Variants in ARSG observed in about 807,000 individuals in gnomAD.
ARSG encodes the protein arylsulfatase G, also known as ASG.
ARSG carries 37 observed loss-of-function variants against 50.5 expected under a neutral mutation model. That is an observed-to-expected ratio of 0.73 (90% confidence interval 0.56 to 0.96). The LOEUF is 0.96. ARSG is among the 50% of genes least tolerant of loss of function. The probability of loss-of-function intolerance (pLI) is 0.00; values close to 1 mark genes in which losing one functional copy is unlikely to be tolerated. For missense variants in ARSG, 629 were observed against 675.3 expected (o/e 0.93, Z 0.76); for synonymous variants, 225 against 254.6 (o/e 0.88, Z 1.11).
chr17:68,270,583 C>G (rs565888108), intron 1 of ARSG, among the ~76,000 whole-genome samples: 42 of 151,520 alleles, frequency 2.8e-4, no homozygotes, highest in African/African-American at 9.9e-4. Flanking sequence ...CAGGGTCAAT[C>G]TGGACTACAG....
chr17:68,300,437 C>G (rs546175439), intron 1 of ARSG, among the ~76,000 whole-genome samples: 2 of 152,304 alleles, frequency 1.3e-5, no homozygotes, highest in East Asian at 3.9e-4. Context: ...GTAAATACAG[C>G]TTTGTAAAAG....
chr17:68,396,340 G>C (rs1226912594), intron 10 of ARSG, among the ~76,000 whole-genome samples: 2 of 152,080 alleles, frequency 1.3e-5, no homozygotes, highest in African/African-American at 4.8e-5. Context: ...TGACCAAGCA[G>C]ACCTTGGCAA....
chr17:68,373,933 G>A lies in ARSG; in HGVS notation c.982+3409G>A, dbSNP rs978773022. Among the ~76,000 whole-genome samples, 71 of 151,602 alleles carry A rather than the reference G, an allele frequency of 4.7e-4. 1 individual carries two copies. Among genetic ancestry groups the A allele is most frequent in the African/African-American group, 1.0e-3 (42 of 41,278 alleles). On this transcript the variant is annotated intron_variant, in intron 8 of 11. Transcript: ENST00000621439. ...AGCACTTTGGGAGGCCGAGGCGGGC[G>A]GATCATGAGGTCAGGAGATCGAGAC...
chr17:68,423,566 C>T (rs898650993), downstream of ARSG, among the ~76,000 whole-genome samples: 3 of 152,180 alleles, frequency 2.0e-5, no homozygotes, highest in Admixed American at 6.5e-5. The surrounding 1 kb of genome is among the most constrained non-coding windows in gnomAD (Gnocchi z 4.4). Context: ...GGAAGTATTT[C>T]TTGCGTATAA....
chr17:68,435,712 T>A, the ARSG span: 2 of 1,614,174 alleles, frequency 1.2e-6, no homozygotes, highest in Non-Finnish European at 1.7e-6. Context: ...CAGACTGTTT[T>A]CTGTTGGTGA....
chr17:68,419,691 G>T (rs930874035), intron 11 of ARSG, among the ~76,000 whole-genome samples: 5 of 152,124 alleles, frequency 3.3e-5, no homozygotes, highest in Non-Finnish European at 7.3e-5. Context: ...TGGCTGCAGT[G>T]GTTCCTGCTG....
the ARSG span, chr17:68,435,686 A>G: frequency 9.6e-5 from 155 of 1,614,214 alleles, 2 homozygotes; most frequent in African/African-American, 1.5e-3. Flanking sequence ...GTGTTCCCTC[A>G]TGGGCAGCAA....
intron 5 of ARSG, among the ~76,000 whole-genome samples, chr17:68,352,345 A>G (rs1415576084): frequency 5.6e-5 from 2 of 35,938 alleles, no homozygotes; most frequent in African/African-American, 1.7e-4. Context: ...ATAGTAAGTG[A>G]AAAAAAAAAA....
intron 8 of ARSG, among the ~76,000 whole-genome samples, chr17:68,376,449 C>G (rs1398571277): frequency 6.6e-6 from 1 of 151,564 alleles, no homozygotes; most frequent in Non-Finnish European, 1.5e-5. Context: ...ACTAATTTTT[C>G]TTTACCTTTT....
In ARSG at chr17:68,399,386, C is replaced by G. The variant is rs1766220673; in HGVS notation, c.1213-1974C>G. Among the ~76,000 whole-genome samples, 1 of 152,156 alleles carries G rather than the reference C, an allele frequency of 6.6e-6. No individual in the cohort carries two copies. Among genetic ancestry groups the G allele is most frequent in the South Asian group, 2.1e-4 (1 of 4,830 alleles). The stretch of plus-strand genomic sequence containing the variant: ...CTGTGGGACTTAAGGTAAAGGAATG[C>G]TCTCGTGCTTAAAAAACAAAACAAG... On this transcript the variant is annotated intron_variant, in intron 10 of 11. Transcript: ENST00000621439. This position sits in a 1 kb window ranked among gnomAD's most constrained non-coding sequence, Gnocchi z 4.6.
rs1039457422 is a variant in ARSG, at chr17:68,322,582, A to G, written c.218+14871A>G. 2.0e-5 allele frequency among the ~76,000 whole-genome samples: 3 copies of G among 152,254 alleles called. No individual in the cohort carries two copies. In the South Asian group the frequency reaches 6.2e-4, roughly 32 times the overall value. On this transcript the variant is annotated intron_variant, in intron 2 of 11. Coordinates refer to ENST00000621439, the MANE Select transcript of ARSG (RefSeq NM_001267727.2). ...CAGTGCGCCAAGATTGTGCCACTGCACTCCAGCCTGGCGATAGAGTGAGAC... is the reference window on the plus strand; with the variant it reads ...CAGTGCGCCAAGATTGTGCCACTGCGCTCCAGCCTGGCGATAGAGTGAGAC...
chr17:68,446,974 G>C, the ARSG span, among the ~76,000 whole-genome samples: 1 of 152,184 alleles, frequency 6.6e-6, no homozygotes, highest in Non-Finnish European at 1.5e-5. Flanking sequence ...CATGCTTCTG[G>C]GGTGGGCACG....
chr17:68,365,766 C>T (rs757076177), intron 6 of ARSG, among the ~76,000 whole-genome samples: 7 of 151,968 alleles, frequency 4.6e-5, no homozygotes, highest in Non-Finnish European at 1.0e-4. Context: ...GAGATGTCAC[C>T]GAATATGGCA....
chr17:68,426,246 G>T, downstream of ARSG: 8 of 894,414 alleles, frequency 8.9e-6, no homozygotes, highest in South Asian at 1.3e-5. Flanking sequence ...GGCGGGTGGG[G>T]AGCGGGGGCT....
At chr17:68,380,613 G>A (rs12452883) in intron 8 of ARSG, among the ~76,000 whole-genome samples, 10,304 of 152,080 alleles carry the variant, frequency 0.068, 500 homozygotes, top group Admixed American at 0.14. Flanking sequence ...TCATTTTATT[G>A]TAAGTCTACA....
chr17:68,406,527 T>C (rs8079678), intron 11 of ARSG, among the ~76,000 whole-genome samples: 2,832 of 152,290 alleles, frequency 0.019, 98 homozygotes, highest in African/African-American at 0.065. Context: ...CTGTTCACCG[T>C]ATCCATGCCA....
In ARSG at chr17:68,378,643, C is replaced by G. The variant is rs1056041161; in HGVS notation, c.983-6421C>G. On this transcript the variant is annotated intron_variant, in intron 8 of 11. Transcript: ENST00000621439. This position sits in a 1 kb window ranked among gnomAD's most constrained non-coding sequence, Gnocchi z 4.4. Reference sequence around the variant, plus strand: ...CAGGAGGCCTGGCTCTCCCAGCAGCCGCCTTCCCTTCTCCATGCCAGATCT... The same window carrying G: ...CAGGAGGCCTGGCTCTCCCAGCAGCGGCCTTCCCTTCTCCATGCCAGATCT... Among the ~76,000 whole-genome samples the G allele has an allele frequency of 6.6e-6, 1 of 152,184 alleles. No individual in the cohort carries two copies. Among genetic ancestry groups the G allele is most frequent in the Non-Finnish European group, 1.5e-5 (1 of 68,026 alleles).
intron 2 of ARSG, among the ~76,000 whole-genome samples, chr17:68,316,045 T>C (rs758151): frequency 0.81 from 122,908 of 152,132 alleles, 50,105 homozygotes; most frequent in Middle Eastern, 0.88. Flanking sequence ...AATCTTATCC[T>C]GCCTACTCCA....
At chr17:68,450,626 T>C in the ARSG span, 5 of 1,429,672 alleles carry the variant, frequency 3.5e-6, no homozygotes, top group Admixed American at 6.6e-5. Flanking sequence ...CTCATTAGAA[T>C]TGGAAGCTTG....
Sources: gnomAD v4.1 joint callset for allele counts (sites outside exome capture counted in the v4.1 genomes callset) on GRCh38, gnomAD v4.1.1 for gene constraint, Gnocchi (gnomAD v3.1) non-coding constraint, MANE v1.5 for transcripts, NCBI Gene and HGNC (gene_info 2026-07-23, HGNC 2026-07-21) for gene names.